Variants in FNDC3A observed in about 807,000 individuals in gnomAD.
FNDC3A encodes fibronectin type III domain containing 3A, also known as fibronectin type-III domain-containing protein 3A.
A neutral mutation model predicts 148.9 loss-of-function variants in FNDC3A; 32 were observed. That is an observed-to-expected ratio of 0.21 (90% CI 0.16 to 0.29). The LOEUF (loss-of-function observed/expected upper bound fraction) is 0.29. Among genes scored for constraint, FNDC3A ranks in the 10% least tolerant of loss-of-function variants. FNDC3A has a pLI of 1.00. For synonymous variants in FNDC3A, 472 were observed against 473.6 expected (o/e 1.00, Z 0.04); for missense variants, 1,191 against 1,452.8 (o/e 0.82, Z 2.93).
At chr13:49,118,886 C>T (rs1881143934) in intron 4 of FNDC3A, among the ~76,000 whole-genome samples, 1 of 152,216 alleles carries the variant, frequency 6.6e-6, no homozygotes, top group Non-Finnish European at 1.5e-5. Context: ...GCCCGTCTTC[C>T]TGAGACAGAG....
intron 4 of FNDC3A, among the ~76,000 whole-genome samples, chr13:49,125,693 A>C (rs904830586): frequency 3.3e-5 from 5 of 152,206 alleles, no homozygotes; most frequent in Non-Finnish European, 5.9e-5. Context: ...TTAGAGCATC[A>C]ACCCATGTGC....
At chr13:49,075,426 A>G in intron 3 of FNDC3A, 62 bp downstream of exon 3, 6 of 882,950 alleles carry the variant, frequency 6.8e-6, no homozygotes, top group Non-Finnish European at 1.1e-5. Context: ...TTTATGATAC[A>G]TAATAGTGTA....
At chr13:49,192,178 T>A (rs1593734688) in intron 19 of FNDC3A, among the ~76,000 whole-genome samples, 1 of 152,230 alleles carries the variant, frequency 6.6e-6, no homozygotes, top group African/African-American at 2.4e-5. Context: ...TTAAAATTTT[T>A]ATAGAATTAA....
intron 2 of FNDC3A, among the ~76,000 whole-genome samples, chr13:49,064,419 AAAC>A (rs1877123177): frequency 7.4e-6 from 1 of 135,952 alleles, no homozygotes; most frequent in African/African-American, 2.7e-5. Context: ...CCCAAAAAAA[AAAC>A]AACAAGGGGT....
chr13:49,083,744 G>A (rs1300644866), intron 3 of FNDC3A, among the ~76,000 whole-genome samples: 1 of 152,150 alleles, frequency 6.6e-6, no homozygotes, highest in Non-Finnish European at 1.5e-5. Flanking sequence ...TTTTGACACG[G>A]GGAAGAACAG....
chr13:49,061,177 A>G (rs1183791518), intron 2 of FNDC3A, among the ~76,000 whole-genome samples: 1 of 151,766 alleles, frequency 6.6e-6, no homozygotes, highest in African/African-American at 2.4e-5. Context: ...TGGCGTGATC[A>G]TAACTCACTG....
At chr13:49,157,967 T>C (rs1050891493) in intron 8 of FNDC3A, among the ~76,000 whole-genome samples, 2 of 149,440 alleles carry the variant, frequency 1.3e-5, no homozygotes, top group East Asian at 2.0e-4. Flanking sequence ...GTTACTGCTG[T>C]CTTTTTGTTT....
Position 49,131,323 on chromosome 13 carries a change from A to T in FNDC3A, c.439A>T (p.Thr147Ser). Reference sequence around the variant, plus strand: ...ACCCGTGACTGGAGCTGGAGACATGACAACACAGTATATGCCACAGTATCA... The same window carrying T: ...ACCCGTGACTGGAGCTGGAGACATGTCAACACAGTATATGCCACAGTATCA... ...YSPVTGAGDM[T>S]TQYMPQYQSS... is the part of the protein sequence containing the mutation. Residue 147 changes from threonine (T) to serine (S), a missense_variant, in exon 5 of 26, where the codon ACA becomes TCA. Thr to Ser is a moderately conservative substitution (Grantham distance 58). This residue lies in a region of FNDC3A where 426 missense variants were observed against 473.2 expected (regional missense o/e 0.90). Coordinates refer to ENST00000492622, the MANE Select transcript of FNDC3A (RefSeq NM_001079673.2). The T allele has an allele frequency of 6.2e-7, 1 of 1,614,086 alleles. No homozygotes were observed. The highest frequency in any genetic ancestry group is 8.5e-7 in the Non-Finnish European group (1 of 1,179,980).
At chr13:49,125,271 G>A (rs1181756426) in intron 4 of FNDC3A, among the ~76,000 whole-genome samples, 1 of 152,180 alleles carries the variant, frequency 6.6e-6, no homozygotes, top group African/African-American at 2.4e-5. Context: ...GCAGGGGAGT[G>A]TGAGAAACTA....
In FNDC3A at chr13:49,209,762, A is replaced by C. The variant is rs1886809753; in HGVS notation, c.*2367A>C. 6.6e-6 allele frequency: 1 copy of C among 152,252 alleles called. No individual in the cohort carries two copies. Among genetic ancestry groups the C allele is most frequent in the Non-Finnish European group, 1.5e-5 (1 of 68,042 alleles). 9.4% of individuals were successfully genotyped at this position (152,252 alleles called of 1,614,324 possible). A position where few individuals can be genotyped will look rare whatever the true frequency, so the allele number is the denominator to read the frequency against. ...TATATAAAGCCCAGTAAAGAATAAA[A>C]TTAGAAGTTTTATCCTAGTGACTTG... is the stretch of plus-strand genomic sequence containing the variant. On this transcript the variant is annotated 3_prime_UTR_variant, in exon 26 of 26. Transcript: ENST00000492622.
chr13:49,078,693 GA>G (rs1481772039), intron 3 of FNDC3A, among the ~76,000 whole-genome samples: 8 of 152,184 alleles, frequency 5.3e-5, no homozygotes, highest in Non-Finnish European at 2.9e-5. Flanking sequence ...AAGACTTCTG[GA>G]GTTCATTTTC....
At chr13:49,019,489 T>A (rs1333893280) in intron 2 of FNDC3A, among the ~76,000 whole-genome samples, 2 of 152,200 alleles carry the variant, frequency 1.3e-5, no homozygotes, top group African/African-American at 4.8e-5. Flanking sequence ...CCCACTGACC[T>A]GCGCCCACTG....
intron 1 of FNDC3A, among the ~76,000 whole-genome samples, chr13:49,002,054 G>T (rs771039599): frequency 1.6e-4 from 25 of 152,046 alleles, no homozygotes; most frequent in Admixed American, 3.3e-4. Flanking sequence ...TCTCTCTTTT[G>T]TACTCTGTCC....
At chr13:48,976,246 G>C (rs960489090) in intron 1 of FNDC3A, 69 bp downstream of exon 1, 12 of 152,314 alleles carry the variant, frequency 7.9e-5, no homozygotes, top group African/African-American at 2.7e-4. Context: ...GTCCCGCCCC[G>C]GAGGAGGCGC....
At chr13:49,206,950 G>A in intron 25 of FNDC3A, 131 bp from the exon 26 acceptor site, 2 of 650,530 alleles carry the variant, frequency 3.1e-6, no homozygotes, top group Non-Finnish European at 2.6e-6. Context: ...TTTTTAACAT[G>A]TCATTTAAAA....
intron 8 of FNDC3A, among the ~76,000 whole-genome samples, chr13:49,164,229 T>C (rs765646173): frequency 1.3e-5 from 2 of 152,242 alleles, no homozygotes; most frequent in Non-Finnish European, 2.9e-5. Context: ...CCTGCTGGTT[T>C]GTAAGTTTTC....
At chr13:49,024,192 C>T (rs1175736561) in intron 2 of FNDC3A, among the ~76,000 whole-genome samples, 1 of 151,868 alleles carries the variant, frequency 6.6e-6, no homozygotes, top group Non-Finnish European at 1.5e-5. Flanking sequence ...AGTAGAAAAC[C>T]TAAACGGACC....
chr13:49,151,332 A>G (rs1377477037), intron 8 of FNDC3A, among the ~76,000 whole-genome samples: 3 of 152,188 alleles, frequency 2.0e-5, no homozygotes, highest in East Asian at 3.8e-4. Flanking sequence ...TTATCATTAT[A>G]TAATGATTTT....
chr13:49,087,123 A>G (rs2137808251), intron 3 of FNDC3A, among the ~76,000 whole-genome samples: 1 of 152,258 alleles, frequency 6.6e-6, no homozygotes, highest in Non-Finnish European at 1.5e-5. Flanking sequence ...CATGTTCCTA[A>G]TAAGCAAAAT....
Sources: allele counts gnomAD v4.1 joint callset (sites outside exome capture counted in the v4.1 genomes callset), GRCh38; gene constraint gnomAD v4.1.1; regional missense constraint gnomAD v4.1.1; transcripts MANE v1.5; gene names NCBI Gene and HGNC (gene_info 2026-07-23, HGNC 2026-07-21).